GBF1: variants seen among roughly 807,000 people sequenced by gnomAD.
The protein encoded by GBF1 is Golgi-specific brefeldin A-resistance guanine nucleotide exchange factor 1.
GBF1 carries 114 observed loss-of-function variants against 210.5 expected under a neutral mutation model. The ratio of observed to expected loss-of-function variants is 0.54; its 90% CI spans 0.47 to 0.63. GBF1 has a LOEUF of 0.63. Among genes scored for constraint, GBF1 ranks in the 30% least tolerant of loss-of-function variants. The pLI is 0.00. For missense variants in GBF1, 1,851 were observed against 2,357.7 expected, an observed-to-expected ratio of 0.79 and a Z score of 4.45; for synonymous variants, 850 against 889.2, an observed-to-expected ratio of 0.96 and a Z score of 0.78.
At chr10:102,288,738 A>AAC (rs1554952908) in intron 3 of GBF1, among the ~76,000 whole-genome samples, 280 of 150,024 alleles carry the variant, frequency 1.9e-3, no homozygotes, top group African/African-American at 6.5e-3. Flanking sequence ...AAAAAAAACA[A>AAC]AAAAAAAAAA....
chr10:102,316,691 T>C (rs1323453808), intron 3 of GBF1, among the ~76,000 whole-genome samples: 1 of 152,186 alleles, frequency 6.6e-6, no homozygotes, highest in Non-Finnish European at 1.5e-5. Context: ...TCCTTTTAGA[T>C]AGATAGACAG....
Position 102,362,672 on chromosome 10 carries a change from G to T in GBF1, c.1876+8G>T, listed in dbSNP as rs1454083624. ...CCCGAGAAGCTAGCAATAGTGAGAGGCATTTCTTTCTTTGATGAACCCAGT... is the reference window on the plus strand; with the variant it reads ...CCCGAGAAGCTAGCAATAGTGAGAGTCATTTCTTTCTTTGATGAACCCAGT... On this transcript the variant is annotated splice_region_variant and intron_variant, in intron 15 of 39. Coordinates refer to ENST00000369983, the MANE Select transcript of GBF1 (RefSeq NM_001377137.1). 3 of 1,608,728 alleles carry T rather than the reference G, an allele frequency of 1.9e-6. No homozygotes were observed. The highest frequency in any genetic ancestry group is 2.6e-6 in the Non-Finnish European group (3 of 1,175,262).
chr10:102,289,891 C>T (rs530384484), intron 3 of GBF1, among the ~76,000 whole-genome samples: 1 of 152,280 alleles, frequency 6.6e-6, no homozygotes, highest in South Asian at 2.1e-4. Flanking sequence ...GGGAGGATTG[C>T]TTGAGCACAG....
intron 22 of GBF1, 50 bp downstream of exon 22, chr10:102,368,504 A>AGTGGG: frequency 9.2e-7 from 1 of 1,082,286 alleles, no homozygotes; most frequent in Non-Finnish European, 1.4e-6. Flanking sequence ...TCTGTGAGCT[A>AGTGGG]ACATGGTTTT....
intron 3 of GBF1, among the ~76,000 whole-genome samples, chr10:102,262,986 C>T (rs979817220): frequency 6.6e-6 from 1 of 152,148 alleles, no homozygotes; most frequent in African/African-American, 2.4e-5. Flanking sequence ...ACAGCTGTGG[C>T]ATGTCTTGAA....
chr10:102,348,867 G>T (rs772985379), intron 4 of GBF1, among the ~76,000 whole-genome samples: 32 of 152,262 alleles, frequency 2.1e-4, no homozygotes, highest in Non-Finnish European at 2.8e-4. Flanking sequence ...AAATGTTTGG[G>T]GGCCAGGCAC....
intron 8 of GBF1, among the ~76,000 whole-genome samples, chr10:102,355,520 C>T (rs1269617846): frequency 3.9e-5 from 6 of 152,204 alleles, no homozygotes; most frequent in Non-Finnish European, 8.8e-5. Context: ...ATAGCTATAC[C>T]TTTTAAGGGC....
intron 1 of GBF1, among the ~76,000 whole-genome samples, chr10:102,252,430 A>G (rs552717984): frequency 1.1e-3 from 164 of 152,254 alleles, no homozygotes; most frequent in Non-Finnish European, 1.9e-3. Flanking sequence ...TGACTCCCTC[A>G]TTGACTTTTG....
At chr10:102,381,846 AAAAG>A (rs2060875696) in intron 39 of GBF1, among the ~76,000 whole-genome samples, 1 of 150,942 alleles carries the variant, frequency 6.6e-6, no homozygotes, top group Admixed American at 6.6e-5. Context: ...AAAAAAAAAA[AAAAG>A]AGTAGCCTGG....
intron 3 of GBF1, among the ~76,000 whole-genome samples, chr10:102,303,719 C>T (rs758158117): frequency 2.0e-5 from 3 of 152,070 alleles, no homozygotes; most frequent in Non-Finnish European, 4.4e-5. Context: ...AAATTTAATC[C>T]GACTTTCTAC....
At chr10:102,342,514 A>G (rs2058271482) in intron 3 of GBF1, among the ~76,000 whole-genome samples, 1 of 151,872 alleles carries the variant, frequency 6.6e-6, no homozygotes, top group African/African-American at 2.4e-5. Flanking sequence ...TTTACAGCTG[A>G]TGTGATCACT....
At chr10:102,243,900 C>T (rs1043860303), upstream of GBF1, among the ~76,000 whole-genome samples, 26 of 152,188 alleles carry the variant, frequency 1.7e-4, no homozygotes, top group East Asian at 3.9e-3. Context: ...GAGGCTGAGG[C>T]GGGTGGATCA....
At chr10:102,257,846 C>T (rs187432878) in intron 1 of GBF1, among the ~76,000 whole-genome samples, 1,794 of 152,124 alleles carry the variant, frequency 0.012, 21 homozygotes, top group Non-Finnish European at 0.016. Flanking sequence ...CCTCCCGCCT[C>T]GTCCTCCCAA....
intron 3 of GBF1, among the ~76,000 whole-genome samples, chr10:102,298,229 G>T (rs1019916054): frequency 3.9e-5 from 6 of 152,050 alleles, no homozygotes; most frequent in Non-Finnish European, 8.8e-5. Flanking sequence ...CACCATGCCC[G>T]GCCGAAACTA....
chr10:102,259,120 GTAA>G, intron 2 of GBF1, 86 bp downstream of exon 2: 1 of 761,766 alleles, frequency 1.3e-6, no homozygotes, highest in South Asian at 1.4e-5. Context: ...CAAATTCCTA[GTAA>G]TAATGAGAAT....
rs2059394895 is a variant in GBF1 at position 102,358,099 on chromosome 10, C to T, written c.700C>T (p.Pro234Ser). The change falls in exon 9 of 40, where the codon CCT becomes TCT. Residue 234 changes from proline to serine, a missense_variant. By Grantham distance (74) the Pro-to-Ser change is moderately conservative (BLOSUM62 -1). Around this residue, in one of 3 missense-constraint regions of GBF1, gnomAD observed 804 missense variants for 958.6 expected, o/e 0.84. Coordinates refer to ENST00000369983, the MANE Select transcript of GBF1 (RefSeq NM_001377137.1). The stretch of plus-strand genomic sequence containing the variant: ...CAAATGGAAGAAACAGAAGAGATCC[C>T]CTCGGCCCCCACGCCATATGACCAA... Reference protein sequence around the residue: ...SSKWKKQKRSPRPPRHMTKVT... With the variant: ...SSKWKKQKRSSRPPRHMTKVT... 1 of 1,609,844 alleles carries T rather than the reference C, an allele frequency of 6.2e-7. No individual in the cohort carries two copies. The highest frequency in any genetic ancestry group is 1.3e-5 in the African/African-American group (1 of 74,804).
chr10:102,366,327 G>C lies in GBF1; in HGVS notation c.2310-56G>C. The C allele has an allele frequency of 6.2e-7, 1 of 1,604,948 alleles. No individual in the cohort carries two copies. The highest frequency in any genetic ancestry group is 8.5e-7 in the Non-Finnish European group (1 of 1,172,804). Reference sequence around the variant, plus strand: ...GGTTAGGAGGACAGTGACTAAAAGAGCCTGACATGTGCAGCTTACACATTT... The same window carrying C: ...GGTTAGGAGGACAGTGACTAAAAGACCCTGACATGTGCAGCTTACACATTT... On this transcript the variant is annotated intron_variant, in intron 18 of 39. Coordinates refer to ENST00000369983, the MANE Select transcript of GBF1 (RefSeq NM_001377137.1). The surrounding 1 kb of genome is among the most constrained non-coding windows in gnomAD (Gnocchi z 4.0).
intron 29 of GBF1, among the ~76,000 whole-genome samples, chr10:102,372,077 G>A (rs991432805): frequency 2.6e-5 from 4 of 151,740 alleles, no homozygotes; most frequent in East Asian, 3.9e-4. Flanking sequence ...TTAGCTGGGC[G>A]TGATGGTGAG....
At chr10:102,301,521 G>A (rs576939484) in intron 3 of GBF1, among the ~76,000 whole-genome samples, 9 of 152,160 alleles carry the variant, frequency 5.9e-5, no homozygotes, top group Admixed American at 2.0e-4. Context: ...GGCGGCTGCC[G>A]GGCGGAGGGG....
Sources: gnomAD v4.1 joint callset for allele counts (sites outside exome capture counted in the v4.1 genomes callset) on GRCh38, gnomAD v4.1.1 for gene constraint, gnomAD v4.1.1 regional missense constraint, Gnocchi (gnomAD v3.1) non-coding constraint, MANE v1.5 for transcripts, NCBI Gene and HGNC (gene_info 2026-07-23, HGNC 2026-07-21) for gene names.